NALF1: variants seen among roughly 807,000 people sequenced by gnomAD.
NALF1 encodes the protein NALCN channel auxiliary factor 1, also known as family with sequence similarity 155 member A.
In NALF1, 3 loss-of-function variants were observed where a neutral mutation model predicts 48.4. The observed-to-expected ratio is 0.06, with a 90% CI of 0.03 to 0.16. NALF1 has a LOEUF of 0.16. NALF1 is among the 10% of genes least tolerant of loss of function. The pLI, the probability that NALF1 is intolerant of heterozygous loss-of-function variation, is 1.00. For missense variants in NALF1, 526 were observed against 571.5 expected (o/e 0.92, Z 0.81); for synonymous variants, 262 against 245.7 (o/e 1.07, Z -0.62).
chr13:107,486,548 G>A (rs988682189), intron 1 of NALF1, among the ~76,000 whole-genome samples: 15 of 152,112 alleles, frequency 9.9e-5, no homozygotes, highest in African/African-American at 2.7e-4. Flanking sequence ...GATGCTAGAC[G>A]CCCTCTTACG....
intron 1 of NALF1, among the ~76,000 whole-genome samples, chr13:107,312,672 T>C (rs1230412362): frequency 6.6e-6 from 1 of 152,128 alleles, no homozygotes; most frequent in Non-Finnish European, 1.5e-5. Context: ...GAACCCTACA[T>C]CTTTTACGAA....
chr13:107,239,803 T>C (rs1880430026), intron 1 of NALF1, among the ~76,000 whole-genome samples: 1 of 151,948 alleles, frequency 6.6e-6, no homozygotes. Flanking sequence ...CACCCCAAAA[T>C]ACGTATTTTC....
intron 1 of NALF1, among the ~76,000 whole-genome samples, chr13:107,471,137 A>G (rs941068297): frequency 2.0e-5 from 3 of 151,708 alleles, no homozygotes; most frequent in African/African-American, 7.2e-5. Flanking sequence ...AAATCCATGC[A>G]TCTCTAGACT....
intron 1 of NALF1, among the ~76,000 whole-genome samples, chr13:107,584,429 C>A (rs1364466954): frequency 6.6e-6 from 1 of 151,998 alleles, no homozygotes; most frequent in African/African-American, 2.4e-5. Flanking sequence ...ACTTGAAAAA[C>A]CCTTATTTTT....
intron 1 of NALF1, among the ~76,000 whole-genome samples, chr13:107,596,526 G>A (rs868183964): frequency 5.1e-4 from 78 of 152,224 alleles, no homozygotes; most frequent in African/African-American, 1.8e-3. Context: ...TTGCAGAAAC[G>A]TGGATGAAGT....
chr13:107,313,590 A>G (rs1882085971), intron 1 of NALF1, among the ~76,000 whole-genome samples: 1 of 152,118 alleles, frequency 6.6e-6, no homozygotes, highest in African/African-American at 2.4e-5. Context: ...GGTGTGGGAA[A>G]AAGGACAGAA....
At chr13:107,516,782 T>TG (rs1876067474) in intron 1 of NALF1, among the ~76,000 whole-genome samples, 1 of 152,176 alleles carries the variant, frequency 6.6e-6, no homozygotes, top group South Asian at 2.1e-4. Context: ...GAATGTCTCG[T>TG]GAGGGATTTA....
intron 1 of NALF1, among the ~76,000 whole-genome samples, chr13:107,639,956 A>G (rs545034910): frequency 2.3e-4 from 35 of 152,270 alleles, no homozygotes; most frequent in African/African-American, 8.4e-4. Context: ...AACACATCTT[A>G]TATTACAGCT....
chr13:107,233,122 A>G (rs1425869578), intron 1 of NALF1, among the ~76,000 whole-genome samples: 1 of 152,228 alleles, frequency 6.6e-6, no homozygotes, highest in Non-Finnish European at 1.5e-5. Flanking sequence ...AACTGACATA[A>G]AACAACTAAA....
At chr13:107,741,061 T>G (rs983257529) in intron 1 of NALF1, among the ~76,000 whole-genome samples, 1 of 152,186 alleles carries the variant, frequency 6.6e-6, no homozygotes, top group Non-Finnish European at 1.5e-5. Context: ...TTGATTCTCT[T>G]GTTTGGTATC....
At chr13:107,680,609 C>CGA (rs146847210) in intron 1 of NALF1, among the ~76,000 whole-genome samples, 129,774 of 151,308 alleles carry the variant, frequency 0.86, 56,526 homozygotes, top group Non-Finnish European at 0.94. Flanking sequence ...TATGTGTGCA[C>CGA]GAGTGAGGGT....
At chr13:107,385,739 C>T (rs1438466060) in intron 1 of NALF1, among the ~76,000 whole-genome samples, 1 of 152,058 alleles carries the variant, frequency 6.6e-6, no homozygotes, top group Non-Finnish European at 1.5e-5. Context: ...TCTGTATATG[C>T]CAATTCTTTA....
chr13:107,693,334 G>GGGGGGGA (rs535333019), intron 1 of NALF1, among the ~76,000 whole-genome samples: 2 of 124,080 alleles, frequency 1.6e-5, no homozygotes, highest in Non-Finnish European at 3.4e-5. Context: ...AGGGTAGGGG[G>GGGGGGGA]GGCGGGAGGG....
rs557813236 is a variant in NALF1, at chr13:107,664,565, A to G, written c.915+201117T>C. On this transcript the variant is annotated intron_variant, in intron 1 of 2. Coordinates refer to ENST00000375915, the MANE Select transcript of NALF1 (RefSeq NM_001080396.3). ...TCTGCCTTCCTCACCGCCACTCCCC[A>G]ACTTCAGTCTATGAACCTCTGTCCC... is the stretch of plus-strand genomic sequence containing the variant. 5.3e-5 allele frequency among the ~76,000 whole-genome samples: 8 copies of G among 152,196 alleles called. No individual in the cohort carries two copies. The East Asian group carries it at 1.5e-3, about 29-fold the overall frequency.
chr13:107,507,391 G>A (rs1875733663), intron 1 of NALF1, among the ~76,000 whole-genome samples: 1 of 151,838 alleles, frequency 6.6e-6, no homozygotes, highest in Admixed American at 6.6e-5. Flanking sequence ...TAGCCCAGAG[G>A]AGATTCATGT....
At chr13:107,738,815 C>A (rs909696483) in intron 1 of NALF1, among the ~76,000 whole-genome samples, 2 of 151,892 alleles carry the variant, frequency 1.3e-5, no homozygotes, top group African/African-American at 4.8e-5. Flanking sequence ...AGGTGCCTGC[C>A]AGCATGACCA....
intron 2 of NALF1, among the ~76,000 whole-genome samples, chr13:107,201,166 A>G (rs562965460): frequency 0.027 from 3,812 of 143,002 alleles, 70 homozygotes; most frequent in Non-Finnish European, 0.044. Flanking sequence ...CTATCTATCT[A>G]TCATCTATCT....
intron 1 of NALF1, among the ~76,000 whole-genome samples, chr13:107,428,303 C>T (rs4640044): frequency 5.3e-5 from 8 of 152,112 alleles, no homozygotes; most frequent in African/African-American, 1.2e-4. Flanking sequence ...GCCTCATGCC[C>T]GAGGTTGCAC....
At position 107,276,217 on chromosome 13, in the gene NALF1, G is replaced by A. The variant is rs187666271; in HGVS notation, c.916-65462C>T. On this transcript the variant is annotated intron_variant, in intron 1 of 2. Transcript: ENST00000375915. Reference sequence around the variant, plus strand: ...AGATCAATACCACAAGGCAGGAATCGTGAGGGAGCATCTCCAGGCAACCTA... The same window carrying A: ...AGATCAATACCACAAGGCAGGAATCATGAGGGAGCATCTCCAGGCAACCTA... 2.7e-3 allele frequency among the ~76,000 whole-genome samples: 406 copies of A among 152,248 alleles called. 1 individual carries two copies. The highest frequency in any genetic ancestry group is 3.4e-3 in the Non-Finnish European group (229 of 68,014).
Sources: gnomAD v4.1 joint callset for allele counts (sites outside exome capture counted in the v4.1 genomes callset) on GRCh38, gnomAD v4.1.1 for gene constraint, MANE v1.5 for transcripts, NCBI Gene and HGNC (gene_info 2026-07-23, HGNC 2026-07-21) for gene names.